HIBADH: variants seen among roughly 807,000 people sequenced by gnomAD.
HIBADH encodes 3-hydroxyisobutyrate dehydrogenase.
In HIBADH, 25 loss-of-function variants were observed where a neutral mutation model predicts 36.1. The ratio of observed to expected loss-of-function variants is 0.69; its 90% CI spans 0.50 to 0.97. HIBADH has a LOEUF of 0.97. Ranked by LOEUF, HIBADH falls within the 50% of genes least tolerant of loss-of-function variation. The probability of loss-of-function intolerance (pLI) is 0.00; values close to 1 mark genes in which losing one functional copy is unlikely to be tolerated. For missense variants in HIBADH, 421 were observed against 418.0 expected, an observed-to-expected ratio of 1.01 and a Z score of -0.06; for synonymous variants, 160 against 149.5, an observed-to-expected ratio of 1.07 and a Z score of -0.51.
At chr7:27,660,279 G>T (rs73076921) in intron 1 of HIBADH, among the ~76,000 whole-genome samples, 12,142 of 152,256 alleles carry the variant, frequency 0.08, 616 homozygotes, top group Non-Finnish European at 0.11. Flanking sequence ...CTTGCAGGCA[G>T]ATTTTTTTCT....
intron 2 of HIBADH, among the ~76,000 whole-genome samples, chr7:27,643,868 T>C (rs1197210167): frequency 2.0e-5 from 3 of 152,188 alleles, no homozygotes; most frequent in African/African-American, 7.2e-5. Flanking sequence ...TCCATCTTCA[T>C]ATGGCCTTCC....
rs75044097 is a variant in HIBADH, at chr7:27,625,249, G to A, written c.484+4122C>T. On this transcript the variant is annotated intron_variant, in intron 4 of 7. Coordinates refer to ENST00000265395, the MANE Select transcript of HIBADH (RefSeq NM_152740.4). Reference sequence around the variant, plus strand: ...TACCTTTTTCTTTATACAAAGGTTCGTTCTGCTCACCTGAAGGGCTATTTT... The same window carrying A: ...TACCTTTTTCTTTATACAAAGGTTCATTCTGCTCACCTGAAGGGCTATTTT... Among the ~76,000 whole-genome samples the A allele has an allele frequency of 1.4e-4, 21 of 152,226 alleles. No homozygotes were observed. In the East Asian group the frequency reaches 3.9e-3, roughly 28 times the overall value.
Position 27,532,174 on chromosome 7 carries a change from T to G in HIBADH, c.696-826A>C, listed in dbSNP as rs188022837. On this transcript the variant is annotated intron_variant, in intron 6 of 7. Coordinates refer to ENST00000265395, the MANE Select transcript of HIBADH (RefSeq NM_152740.4). The stretch of plus-strand genomic sequence containing the variant: ...AAATAATAGAATCAAAATGCTCCAT[T>G]ACTTGGATTCTAAAGATATAATGCA... 2.1e-4 allele frequency among the ~76,000 whole-genome samples: 32 copies of G among 152,362 alleles called. No individual in the cohort carries two copies. In the East Asian group the frequency reaches 6.2e-3, roughly 29 times the overall value.
chr7:27,636,228 ATAAGT>A (rs1243469429), intron 2 of HIBADH, among the ~76,000 whole-genome samples: 17 of 152,348 alleles, frequency 1.1e-4, no homozygotes, highest in African/African-American at 3.1e-4. Flanking sequence ...AAACAGTCAC[ATAAGT>A]TAAGTTCAGC....
At chr7:27,603,729 A>G (rs908034592) in intron 4 of HIBADH, among the ~76,000 whole-genome samples, 1 of 152,180 alleles carries the variant, frequency 6.6e-6, no homozygotes, top group African/African-American at 2.4e-5. Context: ...ATTTCACTAA[A>G]TTAAATTTTA....
At chr7:27,623,396 T>C (rs1785579806) in intron 4 of HIBADH, among the ~76,000 whole-genome samples, 1 of 152,152 alleles carries the variant, frequency 6.6e-6, no homozygotes, top group Non-Finnish European at 1.5e-5. Flanking sequence ...CTGAAAGTCC[T>C]AGCCAGAGCA....
intron 4 of HIBADH, among the ~76,000 whole-genome samples, chr7:27,618,575 T>C (rs567062720): frequency 6.6e-6 from 1 of 152,244 alleles, no homozygotes; most frequent in South Asian, 2.1e-4. Flanking sequence ...GGCATTGGAG[T>C]AAGCCATGTG....
intron 4 of HIBADH, among the ~76,000 whole-genome samples, chr7:27,556,305 C>G (rs1340457749): frequency 6.6e-6 from 1 of 152,082 alleles, no homozygotes; most frequent in Non-Finnish European, 1.5e-5. Context: ...TCTCCTGATT[C>G]TTGGTCTTTT....
rs550308953 is a variant in HIBADH, at chr7:27,548,482, C to CATACA, written c.485-5387_485-5383dup. 7.5e-3 allele frequency among the ~76,000 whole-genome samples: 1,147 copies of CATACA among 152,168 alleles called. 7 individuals are homozygous for CATACA. Among genetic ancestry groups the CATACA allele is most frequent in the Admixed American group, 0.014 (211 of 15,280 alleles). On this transcript the variant is annotated intron_variant, in intron 4 of 7. Transcript: ENST00000265395. The stretch of plus-strand genomic sequence containing the variant: ...AAGTCAGATTCATGCTATTAGAGGG[C>CATACA]ATACAGTTGTACAAAGGTCCAAAGA...
In HIBADH at chr7:27,662,824, C is replaced by A; in HGVS notation, c.-36G>T. On this transcript the variant is annotated 5_prime_UTR_variant, in exon 1 of 8. Coordinates refer to ENST00000265395, the MANE Select transcript of HIBADH (RefSeq NM_152740.4). ...CCCCTCTCCCCGCGGTGACCTCCGC[C>A]GCCTCCCGGAGGGCCCACAGACTGC... The A allele has an allele frequency of 1.4e-6, 2 of 1,433,780 alleles. No individual in the cohort carries two copies. The highest frequency in any genetic ancestry group is 1.9e-6 in the Non-Finnish European group (2 of 1,080,608). The allele number at this position is 1,433,780 out of a possible 1,614,324, so 88.8% of individuals were successfully genotyped here.
At chr7:27,659,241 G>A (rs1026368532) in intron 1 of HIBADH, among the ~76,000 whole-genome samples, 1 of 152,120 alleles carries the variant, frequency 6.6e-6, no homozygotes, top group Non-Finnish European at 1.5e-5. Context: ...GAGTCACAAC[G>A]TGACATTTTG....
At chr7:27,595,621 T>TGTGA (rs1785021567) in intron 4 of HIBADH, among the ~76,000 whole-genome samples, 1 of 145,086 alleles carries the variant, frequency 6.9e-6, no homozygotes, top group South Asian at 2.1e-4. Flanking sequence ...TGTGTGTGTG[T>TGTGA]GTGAACCGCT....
intron 4 of HIBADH, among the ~76,000 whole-genome samples, chr7:27,567,886 G>T (rs1784571198): frequency 6.6e-6 from 1 of 151,762 alleles, no homozygotes; most frequent in Non-Finnish European, 1.5e-5. Flanking sequence ...CTTTACATTG[G>T]TACAAAAGCC....
chr7:27,587,978 G>A (rs1784888362), intron 4 of HIBADH, among the ~76,000 whole-genome samples: 1 of 152,208 alleles, frequency 6.6e-6, no homozygotes, highest in Non-Finnish European at 1.5e-5. Flanking sequence ...AGTAATGTCT[G>A]TTTATGAATC....
At chr7:27,570,666 TA>T (rs1382533225) in intron 4 of HIBADH, among the ~76,000 whole-genome samples, 1 of 148,484 alleles carries the variant, frequency 6.7e-6, no homozygotes, top group Non-Finnish European at 1.5e-5. Flanking sequence ...TTCAAACAGG[TA>T]AATTTTACTG....
At chr7:27,645,449 G>A (rs1476063692) in intron 2 of HIBADH, among the ~76,000 whole-genome samples, 1 of 137,192 alleles carries the variant, frequency 7.3e-6, no homozygotes, top group Non-Finnish European at 1.5e-5. Flanking sequence ...GGCAATCTCG[G>A]CTCACTGCAA....
At chr7:27,611,782 A>T (rs1272248325) in intron 4 of HIBADH, among the ~76,000 whole-genome samples, 1 of 152,208 alleles carries the variant, frequency 6.6e-6, no homozygotes, top group African/African-American at 2.4e-5. Flanking sequence ...ACAACTGCTA[A>T]GTCTGGTGAT....
At chr7:27,598,172 C>T (rs1785062223) in intron 4 of HIBADH, among the ~76,000 whole-genome samples, 1 of 152,118 alleles carries the variant, frequency 6.6e-6, no homozygotes, top group African/African-American at 2.4e-5. Flanking sequence ...ATTAGAAGTA[C>T]ACAATTATCT....
intron 4 of HIBADH, among the ~76,000 whole-genome samples, chr7:27,625,819 A>C (rs1258467423): frequency 6.6e-6 from 1 of 152,046 alleles, no homozygotes; most frequent in Non-Finnish European, 1.5e-5. Flanking sequence ...GTACACTTTA[A>C]GGCCAGGCAT....
Sources: allele counts gnomAD v4.1 joint callset (sites outside exome capture counted in the v4.1 genomes callset), GRCh38; gene constraint gnomAD v4.1.1; transcripts MANE v1.5; gene names NCBI Gene and HGNC (gene_info 2026-07-23, HGNC 2026-07-21).